The following ANO4 variants were observed in gnomAD, a reference collection of about 807,000 sequenced individuals.
ANO4 encodes the protein anoctamin-4.
Under a neutral mutation model 141.9 loss-of-function variants are expected in ANO4, and 69 were observed. The ratio of observed to expected loss-of-function variants is 0.49; its 90% CI spans 0.40 to 0.59. The LOEUF is 0.59. Among genes scored for constraint, ANO4 ranks in the 20% least tolerant of loss-of-function variants. The probability of loss-of-function intolerance (pLI) is 0.00; values close to 1 mark genes in which losing one functional copy is unlikely to be tolerated. For missense variants in ANO4, 894 were observed against 1,162.2 expected (o/e 0.77, Z 3.36); for synonymous variants, 350 against 394.3 (o/e 0.89, Z 1.33).
intron 5 of ANO4, among the ~76,000 whole-genome samples, chr12:100,967,811 G>A (rs1265842394): frequency 6.6e-6 from 1 of 152,174 alleles, no homozygotes; most frequent in Non-Finnish European, 1.5e-5. Flanking sequence ...TGTATAAACT[G>A]ATAAAGCAAC....
intron 1 of ANO4, among the ~76,000 whole-genome samples, chr12:100,886,994 A>C (rs779627260): frequency 6.6e-6 from 1 of 152,216 alleles, no homozygotes; most frequent in Non-Finnish European, 1.5e-5. Flanking sequence ...CCTTGGGCCT[A>C]GCAGGGGTAG....
At chr12:101,097,537 C>A in intron 19 of ANO4, 114 bp from the exon 20 acceptor site, 4 of 1,004,650 alleles carry the variant, frequency 4.0e-6, no homozygotes, top group Non-Finnish European at 6.2e-6. Context: ...TCCCCCAGAC[C>A]TACTACTTAT....
At chr12:101,099,444 G>A in intron 21 of ANO4, 134 bp from the exon 22 acceptor site, 1 of 774,718 alleles carries the variant, frequency 1.3e-6, no homozygotes, top group Non-Finnish European at 2.0e-6. Context: ...TTCCTAACCT[G>A]AGGCTTTATT....
intron 3 of ANO4, among the ~76,000 whole-genome samples, chr12:100,922,801 G>A (rs1489209498): frequency 6.6e-6 from 1 of 152,120 alleles, no homozygotes; most frequent in Non-Finnish European, 1.5e-5. Context: ...CATGCCAGAA[G>A]TGAACCCTCA....
intron 3 of ANO4, among the ~76,000 whole-genome samples, chr12:100,925,109 A>G (rs1388773985): frequency 6.6e-6 from 1 of 151,998 alleles, no homozygotes; most frequent in African/African-American, 2.4e-5. Flanking sequence ...GTTTTGTGCT[A>G]ATTAGATTTG....
chr12:100,720,498 G>A (rs534740527), intron 1 of ANO4, among the ~76,000 whole-genome samples: 1 of 151,686 alleles, frequency 6.6e-6, no homozygotes, highest in Non-Finnish European at 1.5e-5. Flanking sequence ...GAGAGAGCAA[G>A]CAGAAGACAG....
At position 101,110,506 on chromosome 12, in the gene ANO4, A is replaced by G. The variant is rs374151506; in HGVS notation, c.2252A>G (p.Lys751Arg). 3.1e-6 allele frequency: 5 copies of G among 1,611,256 alleles called. No individual in the cohort carries two copies. Among genetic ancestry groups the G allele is most frequent in the Non-Finnish European group, 4.2e-6 (5 of 1,178,782 alleles). ...ATTGAAATTCGACTTGATGCTTACA[A>G]ATTTGTCACACAGTGGAGGAGACCT... is the stretch of plus-strand genomic sequence containing the variant. ...NIIEIRLDAY[K>R]FVTQWRRPLA... Residue 751 changes from lysine (K) to arginine (R), a missense_variant, in exon 23 of 28, where the codon AAA becomes AGA. Lys to Arg is a conservative substitution (Grantham distance 26). This residue lies in a region of ANO4 where 637 missense variants were observed against 909.2 expected (regional missense o/e 0.70). Transcript: ENST00000392977.
At chr12:100,909,882 T>C (rs931517519) in intron 2 of ANO4, among the ~76,000 whole-genome samples, 1 of 152,206 alleles carries the variant, frequency 6.6e-6, no homozygotes, top group Admixed American at 6.5e-5. Context: ...ACCTACCTTA[T>C]AGTATTAGGG....
At chr12:100,886,781 C>A (rs1565972184) in intron 1 of ANO4, among the ~76,000 whole-genome samples, 1 of 152,116 alleles carries the variant, frequency 6.6e-6, no homozygotes, top group Non-Finnish European at 1.5e-5. Context: ...ACCATATGGC[C>A]CACAAAGCCC....
chr12:100,746,259 G>A (rs2074857379), intron 3 of ANO4, among the ~76,000 whole-genome samples: 1 of 152,092 alleles, frequency 6.6e-6, no homozygotes. Flanking sequence ...TTCAAGACCA[G>A]CCTGGTCAAC....
At position 100,741,953 on chromosome 12, in the gene ANO4, T is replaced by C. The variant is rs118155283; in HGVS notation, c.358+1848T>C. ...TTTTATCATGGTTCCCTTAGTTGAC[T>C]TTTTTTCTCCTCCATAGAGCACTAT... On this transcript the variant is annotated intron_variant, in intron 3 of 29. Transcript: ENST00000644049. Among the ~76,000 whole-genome samples the C allele has an allele frequency of 5.0e-3, 763 of 152,268 alleles. 25 individuals carry two copies. In the East Asian group the frequency reaches 0.07, roughly 14 times the overall value.
At chr12:101,043,690 AG>A (rs1300327766) in intron 13 of ANO4, 55 bp downstream of exon 13, 22 of 1,275,670 alleles carry the variant, frequency 1.7e-5, no homozygotes, top group Middle Eastern at 1.8e-4. Context: ...CACCTTCCTG[AG>A]GGATGGTGGG....
intron 25 of ANO4, among the ~76,000 whole-genome samples, chr12:101,118,557 A>G (rs1282137695): frequency 1.3e-5 from 2 of 152,208 alleles, no homozygotes; most frequent in African/African-American, 4.8e-5. Flanking sequence ...ATATCTAAAC[A>G]TGTAGAGAAA....
intron 3 of ANO4, among the ~76,000 whole-genome samples, chr12:100,924,030 G>T (rs2041757692): frequency 6.6e-6 from 1 of 151,970 alleles, no homozygotes; most frequent in African/African-American, 2.4e-5. Flanking sequence ...TGTAGATTCT[G>T]GATATTAGCC....
chr12:100,885,139 C>T (rs1350564021), intron 1 of ANO4, among the ~76,000 whole-genome samples: 1 of 152,186 alleles, frequency 6.6e-6, no homozygotes, highest in African/African-American at 2.4e-5. Flanking sequence ...TAGATTGCCC[C>T]CCTTCCTTTT....
chr12:100,947,647 G>A (rs1357889948), intron 5 of ANO4, among the ~76,000 whole-genome samples: 3 of 152,150 alleles, frequency 2.0e-5, no homozygotes, highest in Non-Finnish European at 4.4e-5. Context: ...GTGCACAGTC[G>A]AGGTTGAATA....
At chr12:100,934,079 C>T (rs1008965468) in intron 3 of ANO4, among the ~76,000 whole-genome samples, 8 of 151,902 alleles carry the variant, frequency 5.3e-5, no homozygotes, top group African/African-American at 1.5e-4. Context: ...TTTCTTTTGC[C>T]GTGCAGAACC....
intron 17 of ANO4, among the ~76,000 whole-genome samples, chr12:101,091,836 A>G (rs2049790093): frequency 6.6e-6 from 1 of 152,060 alleles, no homozygotes. Context: ...TAAAATAACT[A>G]AAATATTTTT....
chr12:100,802,252 A>G (rs1390535305), intron 1 of ANO4, among the ~76,000 whole-genome samples: 1 of 152,202 alleles, frequency 6.6e-6, no homozygotes, highest in East Asian at 1.9e-4. Context: ...TACAAGGAAT[A>G]CAGTTGTTTT....
Sources: gnomAD v4.1 joint callset for allele counts (sites outside exome capture counted in the v4.1 genomes callset) on GRCh38, gnomAD v4.1.1 for gene constraint, gnomAD v4.1.1 regional missense constraint, MANE v1.5 for transcripts, NCBI Gene and HGNC (gene_info 2026-07-23, HGNC 2026-07-21) for gene names.